Variants in MPPED2 observed in about 807,000 individuals in gnomAD.
MPPED2 encodes metallophosphoesterase MPPED2.
Under a neutral mutation model 33.0 loss-of-function variants are expected in MPPED2, and 5 were observed. The ratio of observed to expected loss-of-function variants is 0.15; its 90% CI spans 0.08 to 0.32. MPPED2 has a LOEUF of 0.32. Ranked by LOEUF, MPPED2 falls within the 10% of genes least tolerant of loss-of-function variation. MPPED2 has a pLI of 1.00. For missense variants in MPPED2, 275 were observed against 372.1 expected, an observed-to-expected ratio of 0.74 and a Z score of 2.15; for synonymous variants, 136 against 141.9, an observed-to-expected ratio of 0.96 and a Z score of 0.29.
At chr11:30,482,448 G>A (rs1951530920) in intron 4 of MPPED2, among the ~76,000 whole-genome samples, 1 of 152,188 alleles carries the variant, frequency 6.6e-6, no homozygotes, top group Non-Finnish European at 1.5e-5. Flanking sequence ...ATTCATGTGA[G>A]TATGTGGTTA....
chr11:30,484,988 A>C (rs1026755392), intron 4 of MPPED2, among the ~76,000 whole-genome samples: 2 of 152,226 alleles, frequency 1.3e-5, no homozygotes, highest in Non-Finnish European at 1.5e-5. Context: ...CAAACAAAAC[A>C]AAACCAAAAA....
At chr11:30,454,758 T>A (rs1950209615) in intron 4 of MPPED2, among the ~76,000 whole-genome samples, 1 of 152,156 alleles carries the variant, frequency 6.6e-6, no homozygotes, top group Non-Finnish European at 1.5e-5. Flanking sequence ...ATGGGTTAGG[T>A]TGCTGGGCAA....
At chr11:30,558,082 T>C (rs1476222723) in intron 2 of MPPED2, among the ~76,000 whole-genome samples, 2 of 152,152 alleles carry the variant, frequency 1.3e-5, no homozygotes, top group East Asian at 3.9e-4. Context: ...TTGTTTTCAG[T>C]GATATTGGTA....
chr11:30,415,116 C>T (rs1948285854), intron 5 of MPPED2, among the ~76,000 whole-genome samples: 1 of 152,178 alleles, frequency 6.6e-6, no homozygotes, highest in Admixed American at 6.5e-5. Flanking sequence ...AAATCGTAAT[C>T]TCTGGAAACC....
chr11:30,477,937 C>G (rs1485453810), intron 4 of MPPED2, among the ~76,000 whole-genome samples: 1 of 151,978 alleles, frequency 6.6e-6, no homozygotes, highest in African/African-American at 2.4e-5. Flanking sequence ...TTATTTAGCT[C>G]TCTCTTTTTT....
chr11:30,513,904 C>G (rs1953370479), intron 3 of MPPED2, among the ~76,000 whole-genome samples: 1 of 152,156 alleles, frequency 6.6e-6, no homozygotes, highest in South Asian at 2.1e-4. Context: ...CCAAGCCTAT[C>G]TCAGTCACTG....
At chr11:30,560,891 C>T (rs1427909334) in intron 2 of MPPED2, among the ~76,000 whole-genome samples, 1 of 152,154 alleles carries the variant, frequency 6.6e-6, no homozygotes, top group Non-Finnish European at 1.5e-5. Context: ...AGGCTGAAGA[C>T]CTTTACATCT....
rs536474371 is a variant in MPPED2, at chr11:30,422,187, C to G, written c.537-4554G>C. Among the ~76,000 whole-genome samples the G allele has an allele frequency of 1.4e-4, 22 of 152,290 alleles. No homozygotes were observed. The South Asian group carries it at 4.6e-3, about 32-fold the overall frequency. The stretch of plus-strand genomic sequence containing the variant: ...AAGATTGCTTTTAGGTTGTAGAAAT[C>G]TTACGCAGAAATGCAATGCACAAAG... On this transcript the variant is annotated intron_variant, in intron 4 of 6. Transcript: ENST00000358117.
At chr11:30,536,247 T>C in intron 2 of MPPED2, 72 bp from the exon 3 acceptor site, 3 of 1,286,486 alleles carry the variant, frequency 2.3e-6, no homozygotes, top group Non-Finnish European at 3.1e-6. Context: ...CGCACATACA[T>C]ATTTATTATT....
chr11:30,420,060 A>G (rs1329922723), intron 4 of MPPED2, among the ~76,000 whole-genome samples: 4 of 152,188 alleles, frequency 2.6e-5, no homozygotes, highest in African/African-American at 9.7e-5. Context: ...CAAGATGTCT[A>G]CATCCTAATA....
chr11:30,414,103 T>C (rs1948234485), intron 6 of MPPED2, 125 bp downstream of exon 6: 1 of 655,744 alleles, frequency 1.5e-6, no homozygotes, highest in Non-Finnish European at 2.8e-6. Context: ...CTCATAAGAC[T>C]TCATCTTATA....
At chr11:30,493,365 C>T (rs1315650462) in intron 4 of MPPED2, among the ~76,000 whole-genome samples, 1 of 141,754 alleles carries the variant, frequency 7.1e-6, no homozygotes, top group East Asian at 2.1e-4. Flanking sequence ...AACGAGACTC[C>T]GTCTCAAAAA....
intron 3 of MPPED2, among the ~76,000 whole-genome samples, chr11:30,513,232 A>G (rs1490302161): frequency 1.3e-5 from 2 of 152,198 alleles, no homozygotes; most frequent in Non-Finnish European, 2.9e-5. Flanking sequence ...AGGAGTCCTC[A>G]GTCCACCCAT....
At chr11:30,490,786 A>G (rs1369355191) in intron 4 of MPPED2, among the ~76,000 whole-genome samples, 1 of 152,226 alleles carries the variant, frequency 6.6e-6, no homozygotes, top group Non-Finnish European at 1.5e-5. Flanking sequence ...GGTAGCTTTC[A>G]GCTGTGTTGC....
chr11:30,538,735 T>C (rs1465481083), intron 2 of MPPED2, among the ~76,000 whole-genome samples: 1 of 152,062 alleles, frequency 6.6e-6, no homozygotes, highest in African/African-American at 2.4e-5. Context: ...CTCGCACATC[T>C]ACACCACCAC....
At chr11:30,414,197 A>G (rs1391996186) in intron 6 of MPPED2, 31 bp downstream of exon 6, 1 of 1,507,250 alleles carries the variant, frequency 6.6e-7, no homozygotes, top group African/African-American at 1.4e-5. Flanking sequence ...AGGGGCACAA[A>G]ATGTTTTGAA....
At chr11:30,562,640 T>C (rs1956283399) in intron 2 of MPPED2, among the ~76,000 whole-genome samples, 1 of 152,150 alleles carries the variant, frequency 6.6e-6, no homozygotes, top group African/African-American at 2.4e-5. Context: ...AAACTGTAAG[T>C]TCCTTAGGCA....
At chr11:30,479,623 A>G (rs1201091047) in intron 4 of MPPED2, among the ~76,000 whole-genome samples, 2 of 145,252 alleles carry the variant, frequency 1.4e-5, no homozygotes, top group African/African-American at 5.3e-5. Flanking sequence ...GTGTACTCCC[A>G]AAGACATACC....
At chr11:30,474,218 G>T (rs1333298403) in intron 4 of MPPED2, among the ~76,000 whole-genome samples, 1 of 152,284 alleles carries the variant, frequency 6.6e-6, no homozygotes, top group East Asian at 1.9e-4. Context: ...CACCACCACG[G>T]TTGAGAGTGT....
Sources: allele counts gnomAD v4.1 joint callset (sites outside exome capture counted in the v4.1 genomes callset), GRCh38; gene constraint gnomAD v4.1.1; transcripts MANE v1.5; gene names NCBI Gene and HGNC (gene_info 2026-07-23, HGNC 2026-07-21).